EPB41L1: variants seen among roughly 807,000 people sequenced by gnomAD.
EPB41L1 encodes the protein band 4.1-like protein 1.
A neutral mutation model predicts 97.8 loss-of-function variants in EPB41L1; 29 were observed. The ratio of observed to expected loss-of-function variants is 0.30; its 90% CI spans 0.22 to 0.40. The LOEUF (loss-of-function observed/expected upper bound fraction) is 0.40, where lower values mean the gene tolerates loss of function less well. Ranked by LOEUF, EPB41L1 falls within the 10% of genes least tolerant of loss-of-function variation. The pLI is 1.00. For missense variants in EPB41L1, 812 were observed against 1,162.3 expected, an observed-to-expected ratio of 0.70 and a Z score of 4.38; for synonymous variants, 383 against 459.2, an observed-to-expected ratio of 0.83 and a Z score of 2.12.
At chr20:36,220,147 T>C (rs1004671174) in intron 19 of EPB41L1, among the ~76,000 whole-genome samples, 3 of 152,226 alleles carry the variant, frequency 2.0e-5, no homozygotes, top group African/African-American at 4.8e-5. Context: ...GGGTGACATA[T>C]GGGAGGCCCT....
chr20:36,155,733 T>A, intron 1 of EPB41L1: 4 of 435,534 alleles, frequency 9.2e-6, no homozygotes, highest in South Asian at 6.6e-5. Flanking sequence ...TCGTTGCTTT[T>A]CCCTCGGAGC....
At chr20:36,112,068 C>T (rs555970897) in intron 1 of EPB41L1, among the ~76,000 whole-genome samples, 1 of 152,260 alleles carries the variant, frequency 6.6e-6, no homozygotes, top group East Asian at 1.9e-4. Flanking sequence ...CTTAGGCCCT[C>T]ATCATATCTC....
chr20:36,197,867 C>A lies in EPB41L1; in HGVS notation c.1494C>A (p.Asp498Glu). 6.2e-7 allele frequency: 1 copy of A among 1,614,144 alleles called. No homozygotes were observed. The highest frequency in any genetic ancestry group is 8.5e-7 in the Non-Finnish European group (1 of 1,180,028). Reference protein sequence around the residue: ...TTPRHKQEFLDKPEDVLLKHQ... With the variant: ...TTPRHKQEFLEKPEDVLLKHQ... ...TCTCCATCTATCCCTAGTTCTTAGACAAGCCAGAAGATGTCTTGCTGAAGC... is the reference window on the plus strand; with the variant it reads ...TCTCCATCTATCCCTAGTTCTTAGAAAAGCCAGAAGATGTCTTGCTGAAGC... Residue 498 changes from aspartate to glutamate, a missense_variant, in exon 14 of 22, where the codon GAC becomes GAA. Transcript: ENST00000338074.
chr20:36,181,864 A>G (rs773127416), intron 5 of EPB41L1, among the ~76,000 whole-genome samples: 13 of 152,116 alleles, frequency 8.5e-5, no homozygotes, highest in Non-Finnish European at 1.6e-4. Context: ...CCTGGGTTTG[A>G]ACCCCAGCAT....
At chr20:36,129,223 G>C (rs1228590191) in intron 2 of EPB41L1, among the ~76,000 whole-genome samples, 2 of 152,130 alleles carry the variant, frequency 1.3e-5, no homozygotes, top group Non-Finnish European at 2.9e-5. Context: ...TTGGTGAATG[G>C]TATGGACCAA....
intron 1 of EPB41L1, chr20:36,110,650 C>T (rs1367032206): frequency 6.5e-6 from 1 of 153,666 alleles, no homozygotes; most frequent in Non-Finnish European, 1.4e-5. Flanking sequence ...CACACACACA[C>T]ACACACACAC....
intron 1 of EPB41L1, among the ~76,000 whole-genome samples, chr20:36,109,075 C>G (rs1225524718): frequency 1.3e-5 from 2 of 152,084 alleles, no homozygotes; most frequent in Non-Finnish European, 1.5e-5. Flanking sequence ...TCCCGAATAG[C>G]TGGGACTACA....
At position 36,207,629 on chromosome 20, in the gene EPB41L1, C is replaced by T; in HGVS notation, c.1669-1859C>T. ...CAGCCCCCAGGGGACTTTGCCAGCCCCAAAGCCACACATTCCACAGTGATA... is the reference window on the plus strand; with the variant it reads ...CAGCCCCCAGGGGACTTTGCCAGCCTCAAAGCCACACATTCCACAGTGATA... On this transcript the variant is annotated intron_variant, in intron 14 of 21. Transcript: ENST00000338074. The surrounding 1 kb of genome is among the most constrained non-coding windows in gnomAD (Gnocchi z 4.9). 1 of 1,290,160 alleles carries T rather than the reference C, an allele frequency of 7.8e-7. No homozygotes were observed. The highest frequency in any genetic ancestry group is 1.0e-6 in the Non-Finnish European group (1 of 988,932). The allele number at this position is 1,290,160 out of a possible 1,614,324, so 79.9% of individuals were successfully genotyped here.
At chr20:36,214,332 C>A in intron 16 of EPB41L1, 25 bp from the exon 17 acceptor site, 2 of 1,605,406 alleles carry the variant, frequency 1.2e-6, no homozygotes, top group Non-Finnish European at 1.7e-6. Flanking sequence ...CTCTCCCCAG[C>A]TCTAACGACT....
intron 14 of EPB41L1, among the ~76,000 whole-genome samples, chr20:36,202,851 C>G (rs2062575256): frequency 6.6e-6 from 1 of 151,518 alleles, no homozygotes; most frequent in Admixed American, 6.6e-5. Context: ...AAAATGTGAC[C>G]CAGAGCTCCA....
At position 36,206,132 on chromosome 20, in the gene EPB41L1, G is replaced by C; in HGVS notation, c.1669-3356G>C. 1 of 1,289,896 alleles carries C rather than the reference G, an allele frequency of 7.8e-7. No homozygotes were observed. The highest frequency in any genetic ancestry group is 2.1e-4 in the Middle Eastern group (1 of 4,696). 79.9% of individuals were successfully genotyped at this position (1,289,896 alleles called of 1,614,324 possible). A position where few individuals can be genotyped will look rare whatever the true frequency, so the allele number is the denominator to read the frequency against. ...GTGGGGGAGGAAGGCCCCTGGATCA[G>C]GGAAAGCCCAGGAGGGGCTGCCCTG... On this transcript the variant is annotated intron_variant, in intron 14 of 21. Coordinates refer to ENST00000338074, the MANE Select transcript of EPB41L1 (RefSeq NM_012156.2). The surrounding 1 kb of genome is among the most constrained non-coding windows in gnomAD (Gnocchi z 5.5).
intron 1 of EPB41L1, among the ~76,000 whole-genome samples, chr20:36,164,285 G>A (rs1373371069): frequency 1.3e-5 from 2 of 152,244 alleles, no homozygotes; most frequent in East Asian, 1.9e-4. Flanking sequence ...CAACCCAAGC[G>A]ACATGGTTGT....
chr20:36,154,711 C>T (rs1489497718), upstream of EPB41L1: 7 of 984,180 alleles, frequency 7.1e-6, no homozygotes, highest in Non-Finnish European at 8.4e-6. This position sits in a 1 kb window ranked among gnomAD's most constrained non-coding sequence, Gnocchi z 5.5. Context: ...TGGCGCACGC[C>T]GAGCCGCCGC....
chr20:36,178,589 T>C, intron 4 of EPB41L1, 41 bp from the exon 5 acceptor site: 2 of 1,604,636 alleles, frequency 1.2e-6, no homozygotes, highest in Non-Finnish European at 1.7e-6. Context: ...TCAGGTCCTT[T>C]CCTGCGTCTT....
At chr20:36,216,150 T>A (rs2063428400) in intron 17 of EPB41L1, among the ~76,000 whole-genome samples, 2 of 152,282 alleles carry the variant, frequency 1.3e-5, no homozygotes, top group South Asian at 4.1e-4. Flanking sequence ...AATAATGCTA[T>A]CCTAGGGGCC....
chr20:36,134,183 A>C (rs977433507), intron 2 of EPB41L1, among the ~76,000 whole-genome samples: 1 of 152,182 alleles, frequency 6.6e-6, no homozygotes, highest in African/African-American at 2.4e-5. Context: ...CACCTCCCAG[A>C]ATTAGGCTTC....
intron 14 of EPB41L1, among the ~76,000 whole-genome samples, chr20:36,202,963 CT>C (rs1206290619): frequency 6.6e-6 from 1 of 152,172 alleles, no homozygotes; most frequent in Non-Finnish European, 1.5e-5. Flanking sequence ...GGCTCTGTTT[CT>C]CCCCACCCCT....
chr20:36,110,901 G>A (rs895850690), intron 1 of EPB41L1: 1 of 152,210 alleles, frequency 6.6e-6, no homozygotes, highest in African/African-American at 2.4e-5. Flanking sequence ...AATGGTATGT[G>A]TACAACCTAG....
chr20:36,208,413 C>T, intron 14 of EPB41L1: 1 of 428,166 alleles, frequency 2.3e-6, no homozygotes, highest in Non-Finnish European at 4.7e-6. Flanking sequence ...CCTCAGGTCT[C>T]TGCAGCCCCT....
Sources: allele counts gnomAD v4.1 joint callset (sites outside exome capture counted in the v4.1 genomes callset), GRCh38; gene constraint gnomAD v4.1.1; non-coding constraint Gnocchi (gnomAD v3.1); transcripts MANE v1.5; gene names NCBI Gene and HGNC (gene_info 2026-07-23, HGNC 2026-07-21).